The following PLCXD2 variants were observed in gnomAD, a reference collection of about 807,000 sequenced individuals.
PLCXD2 encodes PI-PLC X domain-containing protein 2.
PLCXD2 carries 21 observed loss-of-function variants against 28.6 expected under a neutral mutation model. The observed-to-expected ratio is 0.73, with a 90% confidence interval of 0.52 to 1.06. The LOEUF is 1.06. Ranked by LOEUF, PLCXD2 falls within the 50% of genes least tolerant of loss-of-function variation. The pLI is 0.00. For missense variants in PLCXD2, 369 were observed against 376.7 expected (o/e 0.98, Z 0.17); for synonymous variants, 140 against 150.1 (o/e 0.93, Z 0.49).
At chr3:111,699,025 A>G (rs1941004458) in intron 1 of PLCXD2, among the ~76,000 whole-genome samples, 1 of 152,182 alleles carries the variant, frequency 6.6e-6, no homozygotes. Flanking sequence ...GGAGAGTGGG[A>G]TCAGTGAAGC....
intron 1 of PLCXD2, among the ~76,000 whole-genome samples, chr3:111,699,370 C>A (rs565031088): frequency 2.0e-5 from 3 of 152,238 alleles, no homozygotes; most frequent in East Asian, 3.9e-4. Context: ...GCTTTAAATT[C>A]TTTTTATTTG....
chr3:111,677,403 T>C (rs184478365), intron 1 of PLCXD2: 12 of 152,264 alleles, frequency 7.9e-5, no homozygotes, highest in Admixed American at 7.9e-4. Context: ...TCCTGAAATA[T>C]AGTAGGCATT....
intron 3 of PLCXD2, among the ~76,000 whole-genome samples, chr3:111,718,425 T>G (rs1041121947): frequency 6.6e-6 from 1 of 151,384 alleles, no homozygotes; most frequent in Non-Finnish European, 1.5e-5. Flanking sequence ...AGATCGCGCC[T>G]CTGCACTCCA....
At chr3:111,707,553 G>C (rs543191894) in intron 1 of PLCXD2, among the ~76,000 whole-genome samples, 1 of 152,266 alleles carries the variant, frequency 6.6e-6, no homozygotes, top group African/African-American at 2.4e-5. Flanking sequence ...TTGTTTTCCT[G>C]AATGTTAGAG....
At position 111,675,363 on chromosome 3, in the gene PLCXD2, C is replaced by A. The variant is rs990480096; in HGVS notation, c.118C>A (p.Pro40Thr). Residue 40 changes from proline to threonine, a missense_variant, in exon 1 of 5, where the codon CCC (proline) becomes ACC (threonine). By Grantham distance (38) the Pro-to-Thr change is conservative. Transcript: ENST00000477665. ...CAATGCCGACTGGATGGCCTCGCTC[C>A]CCCCTCACCTCCACAACCTCCCCCT... 1 of 1,614,136 alleles carries A rather than the reference C, an allele frequency of 6.2e-7. No individual in the cohort carries two copies. Among genetic ancestry groups the A allele is most frequent in the Non-Finnish European group, 8.5e-7 (1 of 1,180,018 alleles).
intron 1 of PLCXD2, among the ~76,000 whole-genome samples, chr3:111,686,088 T>C (rs1326389799): frequency 2.6e-5 from 4 of 152,192 alleles, no homozygotes; most frequent in Admixed American, 2.0e-4. Context: ...GTGGAGACTG[T>C]TGGGGAGAAA....
chr3:111,710,196 T>G (rs566916333), intron 2 of PLCXD2, among the ~76,000 whole-genome samples: 1 of 152,346 alleles, frequency 6.6e-6, no homozygotes, highest in Admixed American at 6.5e-5. Flanking sequence ...TAGTATCTGC[T>G]AAAGTCTATC....
chr3:111,706,100 C>A (rs1941114561), intron 1 of PLCXD2, among the ~76,000 whole-genome samples: 1 of 152,178 alleles, frequency 6.6e-6, no homozygotes, highest in South Asian at 2.1e-4. Flanking sequence ...CTCAAGCGAT[C>A]CACCAGTCTC....
chr3:111,683,577 A>G (rs977658517), intron 1 of PLCXD2, among the ~76,000 whole-genome samples: 9 of 152,216 alleles, frequency 5.9e-5, no homozygotes, highest in African/African-American at 2.2e-4. Flanking sequence ...CACTCTATTC[A>G]ACACTTGTAT....
intron 1 of PLCXD2, among the ~76,000 whole-genome samples, chr3:111,683,767 A>G (rs1448758246): frequency 6.6e-6 from 1 of 152,168 alleles, no homozygotes; most frequent in African/African-American, 2.4e-5. Context: ...TACTGCTGGA[A>G]GAAGCATATA....
chr3:111,716,088 C>G (rs979164795), intron 3 of PLCXD2, among the ~76,000 whole-genome samples: 1 of 152,194 alleles, frequency 6.6e-6, no homozygotes. Flanking sequence ...GCCAATGTCC[C>G]CAAGCTTGGA....
At chr3:111,684,879 G>A (rs1259584327) in intron 1 of PLCXD2, among the ~76,000 whole-genome samples, 1 of 152,146 alleles carries the variant, frequency 6.6e-6, no homozygotes, top group Admixed American at 6.5e-5. Flanking sequence ...TGACAGCATG[G>A]ACAAAGAAAA....
chr3:111,709,306 A>G (rs1254884551), intron 2 of PLCXD2, among the ~76,000 whole-genome samples: 1 of 152,210 alleles, frequency 6.6e-6, no homozygotes, highest in Non-Finnish European at 1.5e-5. Context: ...TAGTAAATAA[A>G]ATAGACAAAG....
chr3:111,695,371 C>T (rs964922322), intron 1 of PLCXD2, among the ~76,000 whole-genome samples: 8 of 152,166 alleles, frequency 5.3e-5, no homozygotes, highest in African/African-American at 1.9e-4. Flanking sequence ...CCTGTACATA[C>T]ATGCCTATGA....
At chr3:111,681,440 T>C (rs529000777) in intron 1 of PLCXD2, among the ~76,000 whole-genome samples, 4 of 152,216 alleles carry the variant, frequency 2.6e-5, no homozygotes, top group African/African-American at 7.2e-5. Context: ...GTTCCTAGCT[T>C]GAGAGTGGGA....
chr3:111,676,908 A>C (rs1420593720), intron 1 of PLCXD2: 2 of 152,292 alleles, frequency 1.3e-5, no homozygotes, highest in African/African-American at 4.8e-5. Flanking sequence ...CTTTGGCTCA[A>C]ACCATAACTC....
At chr3:111,700,015 A>G (rs1490868497) in intron 1 of PLCXD2, among the ~76,000 whole-genome samples, 1 of 152,224 alleles carries the variant, frequency 6.6e-6, no homozygotes, top group Admixed American at 6.5e-5. Flanking sequence ...TTGGGAAACT[A>G]TAATCTTACA....
intron 2 of PLCXD2, among the ~76,000 whole-genome samples, chr3:111,709,832 C>G (rs1025806538): frequency 6.6e-6 from 1 of 152,132 alleles, no homozygotes; most frequent in Non-Finnish European, 1.5e-5. Flanking sequence ...TGTAAAGACG[C>G]TAGCCTTCAC....
chr3:111,701,865 T>G (rs1257610183), intron 1 of PLCXD2, among the ~76,000 whole-genome samples: 1 of 152,068 alleles, frequency 6.6e-6, no homozygotes, highest in Non-Finnish European at 1.5e-5. Flanking sequence ...TCTGAGTGAC[T>G]GGGTGACTAC....
Sources: gnomAD v4.1 joint callset for allele counts (sites outside exome capture counted in the v4.1 genomes callset) on GRCh38, gnomAD v4.1.1 for gene constraint, MANE v1.5 for transcripts, NCBI Gene and HGNC (gene_info 2026-07-23, HGNC 2026-07-21) for gene names.